The following GPC6 variants were observed in gnomAD, a reference collection of about 807,000 sequenced individuals.
GPC6 encodes glypican-6.
In GPC6, 14 loss-of-function variants were observed where a neutral mutation model predicts 55.2. That is an observed-to-expected ratio of 0.25 (90% CI 0.17 to 0.40). The LOEUF (loss-of-function observed/expected upper bound fraction) is 0.40, where lower values mean the gene tolerates loss of function less well. Ranked by LOEUF, GPC6 falls within the 10% of genes least tolerant of loss-of-function variation. The probability of loss-of-function intolerance (pLI) is 1.00; values close to 1 mark genes in which losing one functional copy is unlikely to be tolerated. For synonymous variants in GPC6, 278 were observed against 259.6 expected, an observed-to-expected ratio of 1.07 and a Z score of -0.68; for missense variants, 641 against 708.5, an observed-to-expected ratio of 0.90 and a Z score of 1.08.
intron 1 of GPC6, chr13:93,395,290 G>A (rs934497418): frequency 1.7e-5 from 8 of 483,882 alleles, no homozygotes; most frequent in African/African-American, 1.2e-4. Context: ...GACCTCTTTG[G>A]CTGGATGAAG....
At chr13:93,470,341 C>G (rs1463107492) in intron 1 of GPC6, among the ~76,000 whole-genome samples, 2 of 151,976 alleles carry the variant, frequency 1.3e-5, no homozygotes, top group Non-Finnish European at 2.9e-5. Context: ...TGAACATTAA[C>G]TTCTTCATAT....
At chr13:93,513,876 C>CTTTTTTTTTT (rs56333946) in intron 1 of GPC6, among the ~76,000 whole-genome samples, 1 of 110,246 alleles carries the variant, frequency 9.1e-6, no homozygotes. Context: ...TGAATGATGG[C>CTTTTTTTTTT]TTTTTTTTTT....
At chr13:93,663,812 T>G (rs1336088051) in intron 2 of GPC6, among the ~76,000 whole-genome samples, 1 of 152,182 alleles carries the variant, frequency 6.6e-6, no homozygotes, top group Non-Finnish European at 1.5e-5. Flanking sequence ...CTGTGCTAGA[T>G]GTATAGGTAA....
At chr13:93,483,954 C>G (rs1054017490) in intron 1 of GPC6, among the ~76,000 whole-genome samples, 1 of 152,194 alleles carries the variant, frequency 6.6e-6, no homozygotes, top group Non-Finnish European at 1.5e-5. Context: ...ACAGAACACT[C>G]ACCAAGGTGT....
At chr13:93,233,961 A>G (rs1876146733) in intron 1 of GPC6, among the ~76,000 whole-genome samples, 1 of 152,196 alleles carries the variant, frequency 6.6e-6, no homozygotes, top group Admixed American at 6.5e-5. Context: ...GCTAAAGTCA[A>G]GTTTCTACAC....
At chr13:93,943,871 A>G (rs1249828819) in intron 3 of GPC6, among the ~76,000 whole-genome samples, 1 of 152,206 alleles carries the variant, frequency 6.6e-6, no homozygotes, top group African/African-American at 2.4e-5. Flanking sequence ...CTTTTCTGTT[A>G]ATAATTGCTG....
chr13:94,285,204 C>T (rs779993942), intron 4 of GPC6, among the ~76,000 whole-genome samples: 11 of 151,978 alleles, frequency 7.2e-5, no homozygotes, highest in Non-Finnish European at 1.2e-4. Flanking sequence ...ATACAGGAAC[C>T]GGTAGTTTGG....
chr13:93,487,277 G>T (rs1310515420), intron 1 of GPC6, among the ~76,000 whole-genome samples: 2 of 151,884 alleles, frequency 1.3e-5, no homozygotes, highest in African/African-American at 4.8e-5. Flanking sequence ...TTGCTACATA[G>T]GTAAACGTAT....
chr13:93,573,672 T>C (rs142486543), intron 2 of GPC6, among the ~76,000 whole-genome samples: 2 of 152,276 alleles, frequency 1.3e-5, no homozygotes, highest in East Asian at 3.9e-4. Flanking sequence ...AGTTCATTAA[T>C]AAATTTTAGA....
chr13:93,599,361 T>C (rs954666431), intron 2 of GPC6, among the ~76,000 whole-genome samples: 1 of 151,860 alleles, frequency 6.6e-6, no homozygotes, highest in Non-Finnish European at 1.5e-5. Flanking sequence ...TGTTGGCAGC[T>C]CAAATCCAAC....
At chr13:93,357,191 G>A (rs1483408799) in intron 1 of GPC6, among the ~76,000 whole-genome samples, 1 of 152,138 alleles carries the variant, frequency 6.6e-6, no homozygotes. Context: ...TGCAAGCTGG[G>A]CAAGTAGGAG....
At chr13:94,078,824 G>A (rs763464885) in intron 4 of GPC6, among the ~76,000 whole-genome samples, 1 of 151,852 alleles carries the variant, frequency 6.6e-6, no homozygotes, top group Non-Finnish European at 1.5e-5. Flanking sequence ...ATTTAAGGAA[G>A]AATTAATGCC....
At chr13:94,127,841 G>A (rs1381560807) in intron 4 of GPC6, among the ~76,000 whole-genome samples, 1 of 152,100 alleles carries the variant, frequency 6.6e-6, no homozygotes, top group East Asian at 1.9e-4. Context: ...TTTAGAGTAA[G>A]GTGGAGGAAT....
intron 4 of GPC6, among the ~76,000 whole-genome samples, chr13:94,215,850 A>G (rs1183254377): frequency 6.6e-6 from 1 of 152,168 alleles, no homozygotes; most frequent in Non-Finnish European, 1.5e-5. Flanking sequence ...TAATCTGGAA[A>G]ACATCAAAAA....
At chr13:94,315,664 T>A (rs1238560877) in intron 6 of GPC6, among the ~76,000 whole-genome samples, 3 of 152,206 alleles carry the variant, frequency 2.0e-5, no homozygotes, top group African/African-American at 7.2e-5. Flanking sequence ...AACACTATGA[T>A]GAAGGCAAGA....
At chr13:93,766,869 A>G (rs2138886120) in intron 2 of GPC6, among the ~76,000 whole-genome samples, 1 of 152,276 alleles carries the variant, frequency 6.6e-6, no homozygotes, top group East Asian at 1.9e-4. Context: ...AATATATATA[A>G]TTGTTACTGG....
chr13:93,439,131 ATATCT>A (rs1326263396), intron 1 of GPC6, among the ~76,000 whole-genome samples: 6 of 152,168 alleles, frequency 3.9e-5, no homozygotes, highest in Admixed American at 1.3e-4. Flanking sequence ...TATTATAAAC[ATATCT>A]TATATGCATT....
intron 2 of GPC6, among the ~76,000 whole-genome samples, chr13:93,740,403 T>C (rs999388924): frequency 6.6e-6 from 1 of 152,226 alleles, no homozygotes; most frequent in Non-Finnish European, 1.5e-5. Context: ...ACAAGTGTTT[T>C]CTTAAAGCAT....
Position 93,708,616 on chromosome 13 carries a change from G to A in GPC6, c.320-121538G>A, listed in dbSNP as rs118010676. ...TGAGTGTCCAATTCACAGTGTGCAT[G>A]TGAATTTCTTTTCTCAAGTTCTATT... On this transcript the variant is annotated intron_variant, in intron 2 of 8. Coordinates refer to ENST00000377047, the MANE Select transcript of GPC6 (RefSeq NM_005708.5). Among the ~76,000 whole-genome samples the A allele has an allele frequency of 2.1e-3, 312 of 151,834 alleles. 7 individuals are homozygous for A. In the East Asian group the frequency reaches 0.043, roughly 21 times the overall value.
Sources: allele counts gnomAD v4.1 joint callset (sites outside exome capture counted in the v4.1 genomes callset), GRCh38; gene constraint gnomAD v4.1.1; transcripts MANE v1.5; gene names NCBI Gene and HGNC (gene_info 2026-07-23, HGNC 2026-07-21).